Variants in MFN1 observed in about 807,000 individuals in gnomAD.
MFN1 encodes the protein mitofusin-1.
In MFN1, 65 loss-of-function variants were observed where a neutral mutation model predicts 92.4. That is an observed-to-expected ratio of 0.70 (90% confidence interval 0.58 to 0.86). The LOEUF is 0.86. Ranked by LOEUF, MFN1 falls within the 40% of genes least tolerant of loss-of-function variation. The pLI, the probability that MFN1 is intolerant of heterozygous loss-of-function variation, is 0.00. For synonymous variants in MFN1, 297 were observed against 300.9 expected (o/e 0.99, Z 0.13); for missense variants, 781 against 868.0 (o/e 0.90, Z 1.26).
At chr3:179,381,497 T>G (rs1220917690) in intron 14 of MFN1, among the ~76,000 whole-genome samples, 1 of 152,244 alleles carries the variant, frequency 6.6e-6, no homozygotes, top group Non-Finnish European at 1.5e-5. Context: ...CTGTGCTGCT[T>G]AGTTTGAATA....
intron 8 of MFN1, 140 bp downstream of exon 8, chr3:179,367,732 G>A: frequency 1.6e-6 from 1 of 610,058 alleles, no homozygotes; most frequent in Non-Finnish European, 2.5e-6. Context: ...AGACCAGCCT[G>A]GCCAACATGG....
intron 15 of MFN1, 69 bp from the exon 16 acceptor site, chr3:179,386,364 A>T: frequency 7.9e-7 from 1 of 1,269,528 alleles, no homozygotes; most frequent in Non-Finnish European, 1.1e-6. Flanking sequence ...GGGAACTAAA[A>T]TGCTTTTAAA....
At chr3:179,378,889 A>G in intron 14 of MFN1, 75 bp downstream of exon 14, 1 of 1,143,086 alleles carries the variant, frequency 8.7e-7, no homozygotes, top group South Asian at 1.5e-5. Context: ...TAATAAAACT[A>G]GCTTTACAAA....
intron 16 of MFN1, among the ~76,000 whole-genome samples, chr3:179,387,708 G>A (rs1268810193): frequency 1.4e-5 from 2 of 142,226 alleles, no homozygotes; most frequent in South Asian, 2.3e-4. Context: ...AGTAGCTGGC[G>A]TGTGCCACCG....
Position 179,394,917 on chromosome 3 carries a change from CCT to C in MFN1, c.*2859_*2860del, listed in dbSNP as rs1491544143. ...GCAAGCTTGCAAGATGAAAATAAAA[CCT>C]GTTTGCCTGATAGTTGACAAATGTA... On this transcript the variant is annotated 3_prime_UTR_variant, in exon 18 of 18. Coordinates refer to ENST00000471841, the MANE Select transcript of MFN1 (RefSeq NM_033540.3). 1 of 152,056 alleles carries C rather than the reference CCT, an allele frequency of 6.6e-6. No homozygotes were observed. Among genetic ancestry groups the C allele is most frequent in the African/African-American group, 2.4e-5 (1 of 41,392 alleles). 9.4% of individuals were successfully genotyped at this position (152,056 alleles called of 1,614,324 possible). A position where few individuals can be genotyped will look rare whatever the true frequency, so the allele number is the denominator to read the frequency against.
chr3:179,378,359 G>A lies in MFN1; in HGVS notation c.1348G>A (p.Glu450Lys). Residue 450 changes from glutamate to lysine, a missense_variant, in exon 13 of 18, where the codon GAG becomes AAG. Coordinates refer to ENST00000471841, the MANE Select transcript of MFN1 (RefSeq NM_033540.3). ...IYKSELNKHI[E>K]DGMGRNLADR... ...TTAACAGGAATTAAATAAGCACATA[G>A]AGGATGGTATGGGAAGAAATTTGGC... 2 of 1,602,090 alleles carry A rather than the reference G, an allele frequency of 1.2e-6. No individual in the cohort carries two copies. The highest frequency in any genetic ancestry group is 3.3e-4 in the Middle Eastern group (2 of 6,000).
In MFN1 at chr3:179,370,876, T is replaced by C. The variant is rs146817275; in HGVS notation, c.975+2773T>C. Reference sequence around the variant, plus strand: ...TTTGTTTCTAATTATCCTTTTGGCATTTCCTTATCAATATAAGACTTTTTA... The same window carrying C: ...TTTGTTTCTAATTATCCTTTTGGCACTTCCTTATCAATATAAGACTTTTTA... On this transcript the variant is annotated intron_variant, in intron 9 of 17. Transcript: ENST00000471841. Among the ~76,000 whole-genome samples, 1,485 of 152,340 alleles carry C rather than the reference T, an allele frequency of 9.7e-3. 51 individuals are homozygous for C. The South Asian group carries it at 0.11, about 11-fold the overall frequency.
rs1157481435 is a variant in MFN1, at chr3:179,393,837, T to G, written c.*1778T>G. The G allele has an allele frequency of 1.3e-5, 2 of 152,184 alleles. No homozygotes were observed. Among genetic ancestry groups the G allele is most frequent in the Non-Finnish European group, 2.9e-5 (2 of 68,060 alleles). The allele number at this position is 152,184 out of a possible 1,614,324, so 9.4% of individuals were successfully genotyped here. On this transcript the variant is annotated 3_prime_UTR_variant, in exon 18 of 18. Coordinates refer to ENST00000471841, the MANE Select transcript of MFN1 (RefSeq NM_033540.3). ...AGTATAGTACAGTGGTTCTCAAAGT[T>G]TGGTCCTGGGTCATCGACATTACTT...
Position 179,349,321 on chromosome 3 carries a change from G to T in MFN1, c.112+358G>T, listed in dbSNP as rs758545557. On this transcript the variant is annotated intron_variant, in intron 2 of 17. Transcript: ENST00000471841. ...GCCCAAGATCACACAGCTAATAAGT[G>T]CCCAGACAAAAAATCAGGCAGTCCA... 6.1e-4 allele frequency among the ~76,000 whole-genome samples: 93 copies of T among 152,058 alleles called. 3 individuals are homozygous for T. Among genetic ancestry groups the T allele is most frequent in the Non-Finnish European group, 2.8e-4 (19 of 68,012 alleles).
intron 16 of MFN1, among the ~76,000 whole-genome samples, chr3:179,386,920 ATT>A (rs1713708147): frequency 6.6e-6 from 1 of 151,562 alleles, no homozygotes; most frequent in African/African-American, 2.4e-5. Context: ...ATAGTTCTTA[ATT>A]TTTTTTCTTT....
intron 6 of MFN1, 33 bp from the exon 7 acceptor site, chr3:179,365,085 T>C (rs1022983197): frequency 8.5e-6 from 10 of 1,181,510 alleles, no homozygotes; most frequent in African/African-American, 1.6e-5. Flanking sequence ...TAAATTATAG[T>C]GAATGTACTG....
intron 6 of MFN1, 133 bp from the exon 7 acceptor site, chr3:179,364,983 CAT>C (rs1712728298): frequency 1.1e-5 from 5 of 461,628 alleles, no homozygotes. Context: ...GTTTAATGCT[CAT>C]AGAGTGCTTT....
chr3:179,379,069 TA>T (rs1249470401), intron 14 of MFN1, among the ~76,000 whole-genome samples: 3 of 152,082 alleles, frequency 2.0e-5, no homozygotes, highest in Non-Finnish European at 4.4e-5. Context: ...GAGGTCATAG[TA>T]AAAACGCAGG....
intron 9 of MFN1, among the ~76,000 whole-genome samples, chr3:179,369,825 G>A (rs752867563): frequency 2.8e-4 from 42 of 152,120 alleles, no homozygotes; most frequent in Admixed American, 1.6e-3. Flanking sequence ...AGGAAACTTG[G>A]CAGTTTATGT....
At chr3:179,356,122 G>A (rs1040843463) in intron 3 of MFN1, among the ~76,000 whole-genome samples, 5 of 152,174 alleles carry the variant, frequency 3.3e-5, no homozygotes, top group African/African-American at 1.2e-4. Flanking sequence ...CCTTTTTAAT[G>A]ACAACTGAAT....
chr3:179,373,781 C>A (rs541428548), intron 9 of MFN1, among the ~76,000 whole-genome samples: 6 of 152,124 alleles, frequency 3.9e-5, no homozygotes, highest in African/African-American at 1.4e-4. Context: ...TCTCGCCATT[C>A]TCCTGCCTCA....
intron 8 of MFN1, 82 bp from the exon 9 acceptor site, chr3:179,367,954 T>TATA: frequency 5.1e-6 from 3 of 589,004 alleles, no homozygotes; most frequent in Non-Finnish European, 7.0e-6. Context: ...ATATATATAT[T>TATA]TAAAATTATA....
chr3:179,370,615 T>C (rs1577009396), intron 9 of MFN1, among the ~76,000 whole-genome samples: 1 of 152,074 alleles, frequency 6.6e-6, no homozygotes, highest in South Asian at 2.1e-4. Context: ...TTACACAGTG[T>C]TGGCCAGGAT....
rs976891650 is a variant in MFN1 at position 179,393,254 on chromosome 3, T to C, written c.*1195T>C. 5 of 152,332 alleles carry C rather than the reference T, an allele frequency of 3.3e-5. No individual in the cohort carries two copies. Among genetic ancestry groups the C allele is most frequent in the Non-Finnish European group, 7.4e-5 (5 of 68,014 alleles). The allele number at this position is 152,332 out of a possible 1,614,324, so 9.4% of individuals were successfully genotyped here. ...GATTGAAACTCAGATGGAATGGAAATGTACAAAAATGACACCATTCTAGGA... is the reference window on the plus strand; with the variant it reads ...GATTGAAACTCAGATGGAATGGAAACGTACAAAAATGACACCATTCTAGGA... On this transcript the variant is annotated 3_prime_UTR_variant, in exon 18 of 18. Coordinates refer to ENST00000471841, the MANE Select transcript of MFN1 (RefSeq NM_033540.3).
Sources: gnomAD v4.1 joint callset for allele counts (sites outside exome capture counted in the v4.1 genomes callset) on GRCh38, gnomAD v4.1.1 for gene constraint, MANE v1.5 for transcripts, NCBI Gene and HGNC (gene_info 2026-07-23, HGNC 2026-07-21) for gene names.